Variants in MCTS1 observed in about 807,000 individuals in gnomAD.
MCTS1 encodes MCTS1 re-initiation and release factor, also known as malignant T-cell-amplified sequence 1.
For missense variants in MCTS1, 55 were observed against 128.6 expected, an observed-to-expected ratio of 0.43 and a Z score of 2.77; for synonymous variants, 26 against 40.8, an observed-to-expected ratio of 0.64 and a Z score of 1.38.
chrX:120,606,442 C>T (rs759002907), intron 3 of MCTS1, among the ~76,000 whole-genome samples: 4 of 112,550 alleles, frequency 3.6e-5, no homozygotes, highest in Non-Finnish European at 5.6e-5. Flanking sequence ...TGCAGATTCT[C>T]TCATGCATTC....
At position 120,604,994 on chromosome X, in the gene MCTS1, T is replaced by C. The variant is rs1926496174; in HGVS notation, c.12-413T>C. ...AGGGGCCGATTTTCTATGTTATGCT[T>C]GGGTTGGTCTTTTGTATCTCAAGAA... On this transcript the variant is annotated intron_variant, in intron 1 of 5. Coordinates refer to ENST00000371317, the MANE Select transcript of MCTS1 (RefSeq NM_014060.3). 4 of 712,899 alleles carry C rather than the reference T, an allele frequency of 5.6e-6. No individual in the cohort carries two copies. The South Asian group carries it at 1.7e-4, about 31-fold the overall frequency. The allele number at this position is 712,899 out of a possible 1,213,427, so 58.8% of individuals were successfully genotyped here.
chrX:120,610,957 T>A, intron 4 of MCTS1, 54 bp from the exon 5 acceptor site: 1 of 1,154,825 alleles, frequency 8.7e-7, no homozygotes, highest in Non-Finnish European at 1.2e-6. Context: ...CTTCCCTTGA[T>A]GGGGAGGCCC....
intron 3 of MCTS1, among the ~76,000 whole-genome samples, chrX:120,607,264 G>A (rs910980866): frequency 5.4e-5 from 6 of 111,357 alleles, no homozygotes; most frequent in Non-Finnish European, 3.8e-5. Context: ...TTTATACAGC[G>A]TGTAATGATC....
chrX:120,618,530 T>TTG lies in MCTS1; in HGVS notation c.*6270_*6271dup, dbSNP rs1448778500. 8.9e-6 allele frequency among the ~76,000 whole-genome samples: 1 copy of TTG among 112,426 alleles called. No homozygotes were observed. Among genetic ancestry groups the TTG allele is most frequent in the Admixed American group, 9.5e-5 (1 of 10,533 alleles). ...TGACTAAATTCTTTCCACAGTTTGC[T>TTG]TGTGTAAGCATTTTAGATTTAAGCA... On this transcript the variant is annotated 3_prime_UTR_variant, in exon 6 of 6. Transcript: ENST00000371317.
intron 1 of MCTS1, chrX:120,604,533 C>T (rs936916585): frequency 3.4e-6 from 2 of 596,055 alleles, no homozygotes; most frequent in South Asian, 8.3e-5. Context: ...TCCTAGGGTT[C>T]TACCAATCAC....
intron 4 of MCTS1, 86 bp from the exon 5 acceptor site, chrX:120,610,925 A>C: frequency 2.9e-6 from 3 of 1,019,523 alleles, no homozygotes; most frequent in Non-Finnish European, 4.1e-6. Flanking sequence ...CTTAACTAGT[A>C]ACATGATCAT....
rs1033789608 is a variant in MCTS1 at position 120,618,284 on chromosome X, A to G, written c.*6020A>G. Among the ~76,000 whole-genome samples the G allele has an allele frequency of 3.6e-5, 4 of 110,690 alleles. No individual in the cohort carries two copies. The highest frequency in any genetic ancestry group is 1.4e-4 in the African/African-American group (4 of 29,290). The stretch of plus-strand genomic sequence containing the variant: ...TTTAACAAATTTTTAGTTTCTCATG[A>G]TGTGAAAGATTTTGTATGCACGTCT... On this transcript the variant is annotated 3_prime_UTR_variant, in exon 6 of 6. Transcript: ENST00000371317.
chrX:120,604,397 C>T (rs1450378330), intron 1 of MCTS1, 150 bp downstream of exon 1: 1 of 699,442 alleles, frequency 1.4e-6, no homozygotes, highest in Admixed American at 3.9e-5. Flanking sequence ...GCTCTCACTC[C>T]CAACTTGAAC....
At chrX:120,610,414 A>T (rs1267785348) in intron 4 of MCTS1, among the ~76,000 whole-genome samples, 2 of 111,034 alleles carry the variant, frequency 1.8e-5, no homozygotes. Context: ...GGAGTTCAAG[A>T]CCAGCCTGGC....
At position 120,613,213 on chromosome X, in the gene MCTS1, A is replaced by T. The variant is rs1486006123; in HGVS notation, c.*949A>T. Among the ~76,000 whole-genome samples, 1 of 110,829 alleles carries T rather than the reference A, an allele frequency of 9.0e-6. No homozygotes were observed. Among genetic ancestry groups the T allele is most frequent in the East Asian group, 2.8e-4 (1 of 3,545 alleles). ...AGTGCTGGGATTACAGGCATGAGCCACCGTGCCCAGCTAATTTTTATATAT... is the reference window on the plus strand; with the variant it reads ...AGTGCTGGGATTACAGGCATGAGCCTCCGTGCCCAGCTAATTTTTATATAT... On this transcript the variant is annotated 3_prime_UTR_variant, in exon 6 of 6. Coordinates refer to ENST00000371317, the MANE Select transcript of MCTS1 (RefSeq NM_014060.3).
In MCTS1 at chrX:120,612,660, CGTGTGT is replaced by C. The variant is rs10563395; in HGVS notation, c.*417_*422del. Among the ~76,000 whole-genome samples, 2 of 97,408 alleles carry C rather than the reference CGTGTGT, an allele frequency of 2.1e-5. No homozygotes were observed. Among genetic ancestry groups the C allele is most frequent in the Non-Finnish European group, 4.1e-5 (2 of 49,024 alleles). 84.6% of individuals were successfully genotyped at this position (97,408 alleles called of 115,157 possible). A position where few individuals can be genotyped will look rare whatever the true frequency, so the allele number is the denominator to read the frequency against. ...CAGGGGACCCAGCAGTGCTCATTCT[CGTGTGT>C]GTGTGTGTGTGTGTGTGTGTATGTG... On this transcript the variant is annotated 3_prime_UTR_variant, in exon 6 of 6. Transcript: ENST00000371317.
intron 4 of MCTS1, 117 bp from the exon 5 acceptor site, chrX:120,610,894 C>A: frequency 1.4e-6 from 1 of 708,582 alleles, no homozygotes; most frequent in Non-Finnish European, 2.2e-6. Flanking sequence ...TAGGAGAAGA[C>A]ACAAGAGGGG....
Position 120,620,896 on chromosome X carries a change from T to C in MCTS1, c.*8632T>C, listed in dbSNP as rs187952420. The C allele has an allele frequency of 9.0e-6, 1 of 111,477 alleles. No homozygotes were observed. Among genetic ancestry groups the C allele is most frequent in the Admixed American group, 9.6e-5 (1 of 10,438 alleles). The allele number at this position is 111,477 out of a possible 1,213,427, so 9.2% of individuals were successfully genotyped here. A position where few individuals can be genotyped will look rare whatever the true frequency, so the allele number is the denominator to read the frequency against. The stretch of plus-strand genomic sequence containing the variant: ...AAGAAACTAAGTTTTCTCCCATTCA[T>C]GTTTAGCTATTGGGGGGTCTCATAC... On this transcript the variant is annotated 3_prime_UTR_variant, in exon 6 of 6. Transcript: ENST00000371317.
rs541130604 is a variant in MCTS1 at position 120,612,928 on chromosome X, CT to C, written c.*680del. Among the ~76,000 whole-genome samples, 215 of 93,052 alleles carry C rather than the reference CT, an allele frequency of 2.3e-3. No homozygotes were observed. The highest frequency in any genetic ancestry group is 5.4e-3 in the Middle Eastern group (1 of 186). 80.8% of individuals were successfully genotyped at this position (93,052 alleles called of 115,157 possible). A position where few individuals can be genotyped will look rare whatever the true frequency, so the allele number is the denominator to read the frequency against. ...TCATTTCATCCATAACTACTTTATTCTTTTTTTTTTTTTTTTGAAACAGGGT... is the reference window on the plus strand; with the variant it reads ...TCATTTCATCCATAACTACTTTATTCTTTTTTTTTTTTTTTGAAACAGGGT... On this transcript the variant is annotated 3_prime_UTR_variant, in exon 6 of 6. Transcript: ENST00000371317.
chrX:120,612,320 G>A lies in MCTS1; in HGVS notation c.*56G>A. ...TGGATATTGTGCTGTATCTGTGTTT[G>A]TGTCTGTGTGTGACAGCATGAAGAT... On this transcript the variant is annotated 3_prime_UTR_variant, in exon 6 of 6. Coordinates refer to ENST00000371317, the MANE Select transcript of MCTS1 (RefSeq NM_014060.3). 3.5e-6 allele frequency: 3 copies of A among 863,364 alleles called. No individual in the cohort carries two copies. The highest frequency in any genetic ancestry group is 5.0e-6 in the Non-Finnish European group (3 of 605,738). 71.2% of individuals were successfully genotyped at this position (863,364 alleles called of 1,213,427 possible). A position where few individuals can be genotyped will look rare whatever the true frequency, so the allele number is the denominator to read the frequency against.
At position 120,612,679 on chromosome X, in the gene MCTS1, G is replaced by GTGTGTA. The variant is rs1373714986; in HGVS notation, c.*420_*421insATGTGT. Among the ~76,000 whole-genome samples, 1 of 65,530 alleles carries GTGTGTA rather than the reference G, an allele frequency of 1.5e-5. No homozygotes were observed. The highest frequency in any genetic ancestry group is 8.1e-5 in the African/African-American group (1 of 12,287). 56.9% of individuals were successfully genotyped at this position (65,530 alleles called of 115,157 possible). On this transcript the variant is annotated 3_prime_UTR_variant, in exon 6 of 6. Transcript: ENST00000371317. ...CATTCTCGTGTGTGTGTGTGTGTGTGTGTGTGTATGTGTGTGTGTGTGTGT... is the reference window on the plus strand; with the variant it reads ...CATTCTCGTGTGTGTGTGTGTGTGTGTGTGTATGTGTGTATGTGTGTGTGTGTGTGT...
At chrX:120,604,691 C>G in intron 1 of MCTS1, 1 of 1,038,871 alleles carries the variant, frequency 9.6e-7, no homozygotes, top group South Asian at 3.2e-5. Context: ...TGACAGGAAG[C>G]AAGCGGCCTG....
rs1245425025 is a variant in MCTS1 at position 120,615,716 on chromosome X, C to A, written c.*3452C>A. ...CAACTCAGATGATTGTCCTGTTGTC[C>A]GGTGACATAATGGCCTGATCAGTTC... is the stretch of plus-strand genomic sequence containing the variant. On this transcript the variant is annotated 3_prime_UTR_variant, in exon 6 of 6. Coordinates refer to ENST00000371317, the MANE Select transcript of MCTS1 (RefSeq NM_014060.3). 9.0e-6 allele frequency among the ~76,000 whole-genome samples: 1 copy of A among 111,143 alleles called. No individual in the cohort carries two copies. Among genetic ancestry groups the A allele is most frequent in the African/African-American group, 3.3e-5 (1 of 30,654 alleles).
Position 120,604,858 on chromosome X carries a change from G to A in MCTS1, c.12-549G>A, listed in dbSNP as rs750185102. The A allele has an allele frequency of 7.8e-6, 9 of 1,157,182 alleles. No homozygotes were observed. In the South Asian group the frequency reaches 7.8e-5, roughly 10 times the overall value. On this transcript the variant is annotated intron_variant, in intron 1 of 5. Coordinates refer to ENST00000371317, the MANE Select transcript of MCTS1 (RefSeq NM_014060.3). ...CGCAAAAAGCAAAGGGGGAACATGGGCAAAGGAAGGTGGGTTTTGTGCATG... is the reference window on the plus strand; with the variant it reads ...CGCAAAAAGCAAAGGGGGAACATGGACAAAGGAAGGTGGGTTTTGTGCATG...
Sources: gnomAD v4.1 joint callset for allele counts (sites outside exome capture counted in the v4.1 genomes callset) on GRCh38, gnomAD v4.1.1 for gene constraint, MANE v1.5 for transcripts, NCBI Gene and HGNC (gene_info 2026-07-23, HGNC 2026-07-21) for gene names.